The following SACS variants were observed in gnomAD, a reference collection of about 807,000 sequenced individuals.
The protein encoded by SACS is sacsin.
SACS carries 197 observed loss-of-function variants against 348.0 expected under a neutral mutation model. That is an observed-to-expected ratio of 0.57 (90% CI 0.50 to 0.64). The LOEUF is 0.64. Among genes scored for constraint, SACS ranks in the 30% least tolerant of loss-of-function variants. The probability of loss-of-function intolerance (pLI) is 0.00; values close to 1 mark genes in which losing one functional copy is unlikely to be tolerated. For synonymous variants in SACS, 1,985 were observed against 1,910.6 expected, an observed-to-expected ratio of 1.04 and a Z score of -1.02; for missense variants, 4,999 against 5,360.8, an observed-to-expected ratio of 0.93 and a Z score of 2.11.
chr13:23,423,864 T>C (rs1431689020), intron 1 of SACS, among the ~76,000 whole-genome samples: 2 of 152,218 alleles, frequency 1.3e-5, no homozygotes, highest in East Asian at 3.8e-4. Context: ...ACCAGTGTTT[T>C]TGTTAAACAA....
chr13:23,386,088 G>T (rs757482813), intron 2 of SACS, among the ~76,000 whole-genome samples: 36 of 152,268 alleles, frequency 2.4e-4, no homozygotes, highest in African/African-American at 7.9e-4. Context: ...ATGCTTAAGC[G>T]CCCTAGGATC....
At chr13:23,403,585 T>G (rs998621161) in intron 2 of SACS, among the ~76,000 whole-genome samples, 1 of 152,228 alleles carries the variant, frequency 6.6e-6, no homozygotes, top group Non-Finnish European at 1.5e-5. Context: ...TTCTGTGGGA[T>G]CAGTGGTGAT....
At position 23,355,802 on chromosome 13, in the gene SACS, A is replaced by C. The variant is rs116907814; in HGVS notation, c.810T>G (p.Phe270Leu). The change falls in exon 8 of 10, where the codon TTT becomes TTG. Residue 270 changes from phenylalanine to leucine, a missense_variant. Phe to Leu is a conservative substitution (Grantham distance 22, BLOSUM62 0). Coordinates refer to ENST00000382292, the MANE Select transcript of SACS (RefSeq NM_014363.6). ...TFINGNFPGT[F>L]FRFPLRLQPS... ...GTTGTAGGCGAAGAGGGAAACGGAAAAATGTTCCTGGAAAATTGCCGTTTA... is the reference window on the plus strand; with the variant it reads ...GTTGTAGGCGAAGAGGGAAACGGAACAATGTTCCTGGAAAATTGCCGTTTA... The C allele has an allele frequency of 8.2e-4, 1,331 of 1,614,220 alleles. 7 individuals are homozygous for C. Among genetic ancestry groups the C allele is most frequent in the Non-Finnish European group, 5.8e-4 (689 of 1,180,038 alleles).
At chr13:23,424,263 C>T (rs1322202111) in intron 1 of SACS, among the ~76,000 whole-genome samples, 1 of 151,948 alleles carries the variant, frequency 6.6e-6, no homozygotes, top group African/African-American at 2.4e-5. Flanking sequence ...TGGTGGCTCA[C>T]GCCTATAATC....
At chr13:23,384,335 T>C (rs1872184248) in intron 2 of SACS, among the ~76,000 whole-genome samples, 1 of 152,238 alleles carries the variant, frequency 6.6e-6, no homozygotes. Context: ...CTCTTGATCA[T>C]GGCCTCTTGT....
In SACS at chr13:23,331,109, T is replaced by C. The variant is rs1883444937; in HGVS notation, c.12767A>G (p.Asp4256Gly). The C allele has an allele frequency of 2.5e-6, 4 of 1,614,114 alleles. No homozygotes were observed. The highest frequency in any genetic ancestry group is 3.4e-6 in the Non-Finnish European group (4 of 1,180,004). The change falls in exon 10 of 10, where the codon GAC becomes GGC. Residue 4256 changes from aspartate to glycine, a missense_variant. Asp to Gly is a moderately conservative substitution (Grantham distance 94). Transcript: ENST00000382292. ...SRPEESSQSR[D>G]SAPSTPTSPT... The stretch of plus-strand genomic sequence containing the variant: ...GCTGGTTGGTGTAGAAGGAGCACTG[T>C]CCCTGCTTTGAGAGCTTTCCTCAGG...
Position 23,355,218 on chromosome 13 carries a change from C to T in SACS, c.1394G>A (p.Ser465Asn). ...GTTATCAGTAAGGCCAAAGAACCCA[C>T]TGATGTGAACTGGGAGGCCTGTGCT... ...ESSTGLPVHISGFFGLTDNRR... is the reference protein window; with the variant it reads ...ESSTGLPVHINGFFGLTDNRR... The change falls in exon 8 of 10, where the codon AGT becomes AAT. Residue 465 changes from serine (S) to asparagine (N), a missense_variant. Physicochemically the swap from Ser to Asn is conservative, Grantham distance 46. Around this residue, in one of 6 missense-constraint regions of SACS, gnomAD observed 3,156 missense variants for 3,380.1 expected, o/e 0.93. Coordinates refer to ENST00000382292, the MANE Select transcript of SACS (RefSeq NM_014363.6). 1 of 1,614,212 alleles carries T rather than the reference C, an allele frequency of 6.2e-7. No homozygotes were observed. Among genetic ancestry groups the T allele is most frequent in the Non-Finnish European group, 8.5e-7 (1 of 1,180,026 alleles).
At chr13:23,346,250 G>A (rs1268761438) in intron 9 of SACS, among the ~76,000 whole-genome samples, 2 of 152,162 alleles carry the variant, frequency 1.3e-5, no homozygotes, top group Non-Finnish European at 2.9e-5. Context: ...GGTTCAAGCA[G>A]TTTTCTGCCT....
chr13:23,383,521 C>T (rs1219980146), intron 2 of SACS, among the ~76,000 whole-genome samples: 6 of 152,176 alleles, frequency 3.9e-5, no homozygotes, highest in Non-Finnish European at 8.8e-5. Context: ...CTGAACAGCC[C>T]CAGAGCTCTG....
chr13:23,346,927 CTGCTGTCTGT>C, intron 9 of SACS: 3 of 366,794 alleles, frequency 8.2e-6, no homozygotes, highest in African/African-American at 2.2e-5. Flanking sequence ...TCTTAAGATA[CTGCTGTCTGT>C]AGAATCTTTA....
In SACS at chr13:23,330,770, T is replaced by A. The variant is rs770895110; in HGVS notation, c.13106A>T (p.Asp4369Val). 6.2e-7 allele frequency: 1 copy of A among 1,613,806 alleles called. No homozygotes were observed. Among genetic ancestry groups the A allele is most frequent in the Non-Finnish European group, 8.5e-7 (1 of 1,179,898 alleles). Reference protein sequence around the residue: ...INRLEKQAFLDQNADRASRRT... With the variant: ...INRLEKQAFLVQNADRASRRT... ...TCTGGAGGCCCTGTCTGCATTTTGA[T>A]CTAGAAAAGCCTGTTTTTCTAATCT... Residue 4369 changes from aspartate (D) to valine (V), a missense_variant, in exon 10 of 10, where the codon GAT becomes GTT. Transcript: ENST00000382292.
intron 2 of SACS, among the ~76,000 whole-genome samples, chr13:23,393,455 C>A (rs1370460717): frequency 6.6e-6 from 1 of 152,144 alleles, no homozygotes; most frequent in Non-Finnish European, 1.5e-5. Context: ...TCCCTCATCA[C>A]CCGTGTTCGC....
chr13:23,329,152 C>A lies in SACS; in HGVS notation c.*984G>T. The A allele has an allele frequency of 2.9e-6, 1 of 347,986 alleles. No individual in the cohort carries two copies. The highest frequency in any genetic ancestry group is 5.1e-6 in the Non-Finnish European group (1 of 196,338). The allele number at this position is 347,986 out of a possible 1,614,324, so 21.6% of individuals were successfully genotyped here. A position where few individuals can be genotyped will look rare whatever the true frequency, so the allele number is the denominator to read the frequency against. On this transcript the variant is annotated 3_prime_UTR_variant, in exon 10 of 10. Coordinates refer to ENST00000382292, the MANE Select transcript of SACS (RefSeq NM_014363.6). ...CTGATCATTCATGGGGAAATATAAG[C>A]CGATAATTATAAACTACTAGATAAC...
chr13:23,350,371 C>G (rs1420639744), intron 9 of SACS, among the ~76,000 whole-genome samples: 2 of 152,018 alleles, frequency 1.3e-5, no homozygotes, highest in Admixed American at 6.6e-5. Context: ...TTTTGTTTTT[C>G]CTGAAATGAA....
chr13:23,412,289 A>G (rs1873521159), intron 1 of SACS, among the ~76,000 whole-genome samples: 1 of 152,050 alleles, frequency 6.6e-6, no homozygotes, highest in South Asian at 2.1e-4. Flanking sequence ...AAGTACATCT[A>G]CTTAACCACT....
intron 5 of SACS, among the ~76,000 whole-genome samples, chr13:23,367,445 T>C (rs1301021913): frequency 1.3e-5 from 2 of 152,146 alleles, no homozygotes; most frequent in Non-Finnish European, 2.9e-5. Flanking sequence ...TAATAAACAC[T>C]AAACAAGCTA....
chr13:23,338,657 T>C lies in SACS; in HGVS notation c.5219A>G (p.Lys1740Arg). The C allele has an allele frequency of 6.2e-7, 1 of 1,614,146 alleles. No individual in the cohort carries two copies. The highest frequency in any genetic ancestry group is 8.5e-7 in the Non-Finnish European group (1 of 1,179,996). Residue 1740 changes from lysine (K) to arginine (R), a missense_variant, in exon 10 of 10, where the codon AAG becomes AGG. Transcript: ENST00000382292. ...SVLKEAAKLMKTCSSSNKKLP... is the reference protein window; with the variant it reads ...SVLKEAAKLMRTCSSSNKKLP... ...CTTTTTATTACTGCTGCTGCAAGTC[T>C]TCATGAGCTTAGCAGCCTCTTTTAA...
At chr13:23,375,095 C>G in intron 3 of SACS, 24 bp downstream of exon 3, 3 of 1,484,496 alleles carry the variant, frequency 2.0e-6, no homozygotes, top group Non-Finnish European at 2.7e-6. Context: ...GGAGCCCAGC[C>G]CAGCGCCCCC....
At chr13:23,396,002 C>G (rs1386198816) in intron 2 of SACS, among the ~76,000 whole-genome samples, 1 of 152,164 alleles carries the variant, frequency 6.6e-6, no homozygotes, top group Non-Finnish European at 1.5e-5. Flanking sequence ...GATTTCTATT[C>G]ACATTGGCTT....
Sources: gnomAD v4.1 joint callset for allele counts (sites outside exome capture counted in the v4.1 genomes callset) on GRCh38, gnomAD v4.1.1 for gene constraint, gnomAD v4.1.1 regional missense constraint, MANE v1.5 for transcripts, NCBI Gene and HGNC (gene_info 2026-07-23, HGNC 2026-07-21) for gene names.